PCDH11X: variants seen among roughly 807,000 people sequenced by gnomAD.
PCDH11X encodes the protein protocadherin-11 X-linked.
Under a neutral mutation model 53.3 loss-of-function variants are expected in PCDH11X, and 18 were observed. The ratio of observed to expected loss-of-function variants is 0.34; its 90% CI spans 0.23 to 0.50. The LOEUF is 0.50. Ranked by LOEUF, PCDH11X falls within the 20% of genes least tolerant of loss-of-function variation. The pLI is 0.98. For synonymous variants in PCDH11X, 279 were observed against 393.3 expected (o/e 0.71, Z 3.44); for missense variants, 570 against 1,032.4 (o/e 0.55, Z 6.14).
intron 8 of PCDH11X, among the ~76,000 whole-genome samples, chrX:92,278,788 C>T (rs1349953199): frequency 2.9e-5 from 3 of 102,011 alleles, no homozygotes; most frequent in Non-Finnish European, 5.8e-5. Context: ...GGCTCAGAGG[C>T]CTGACAGTCT....
At chrX:92,590,363 C>T (rs1924908489) in intron 10 of PCDH11X, among the ~76,000 whole-genome samples, 1 of 111,050 alleles carries the variant, frequency 9.0e-6, no homozygotes, top group Admixed American at 9.6e-5. Flanking sequence ...TTTGGGGGCT[C>T]ATCTGGGATC....
chrX:92,474,961 C>A (rs1321222536), intron 10 of PCDH11X, among the ~76,000 whole-genome samples: 1 of 105,287 alleles, frequency 9.5e-6, no homozygotes, highest in African/African-American at 3.5e-5. Flanking sequence ...GTCAGGAGAT[C>A]GAGACCATCC....
At chrX:92,282,291 A>AT (rs1021851033) in intron 8 of PCDH11X, among the ~76,000 whole-genome samples, 3 of 111,781 alleles carry the variant, frequency 2.7e-5, no homozygotes, top group South Asian at 7.4e-4. Flanking sequence ...TCATCTTAAA[A>AT]TTTTTTTCCT....
chrX:91,981,981 A>G (rs1335632768), intron 6 of PCDH11X, among the ~76,000 whole-genome samples: 1 of 108,163 alleles, frequency 9.2e-6, no homozygotes, highest in Non-Finnish European at 1.9e-5. Flanking sequence ...TCACCATGTG[A>G]TTACAATCAC....
chrX:91,851,904 C>T (rs1316927138), intron 5 of PCDH11X, among the ~76,000 whole-genome samples: 1 of 109,824 alleles, frequency 9.1e-6, no homozygotes, highest in Non-Finnish European at 1.9e-5. Context: ...TAATCTAAGT[C>T]AAAAGCTTTG....
At chrX:92,110,714 T>G (rs1340586447) in intron 6 of PCDH11X, among the ~76,000 whole-genome samples, 1 of 110,990 alleles carries the variant, frequency 9.0e-6, no homozygotes, top group Non-Finnish European at 1.9e-5. Flanking sequence ...GGCCAGGAAT[T>G]TCCTTGTGGG....
At chrX:92,567,776 T>C (rs1295187676) in intron 10 of PCDH11X, among the ~76,000 whole-genome samples, 1 of 103,507 alleles carries the variant, frequency 9.7e-6, no homozygotes, top group African/African-American at 3.5e-5. Flanking sequence ...TTCTCACTTA[T>C]ACATGGGAGC....
At chrX:92,106,795 A>T (rs2064393769) in intron 6 of PCDH11X, among the ~76,000 whole-genome samples, 2 of 111,908 alleles carry the variant, frequency 1.8e-5, no homozygotes, top group Admixed American at 9.5e-5. Flanking sequence ...TTCTAAGGCC[A>T]TCCAATCATC....
chrX:92,002,274 G>A (rs2062523621), intron 6 of PCDH11X, among the ~76,000 whole-genome samples: 1 of 108,390 alleles, frequency 9.2e-6, no homozygotes, highest in Non-Finnish European at 1.9e-5. Context: ...CTGTTTTCAT[G>A]CAAGTTCCAG....
chrX:91,854,826 A>G (rs1276331628), intron 5 of PCDH11X, among the ~76,000 whole-genome samples: 1 of 111,544 alleles, frequency 9.0e-6, no homozygotes, highest in Non-Finnish European at 1.9e-5. Context: ...TCTTTTGCCC[A>G]TTTTTTATTA....
chrX:92,115,808 T>C (rs924149551), intron 6 of PCDH11X, among the ~76,000 whole-genome samples: 4 of 109,097 alleles, frequency 3.7e-5, no homozygotes, highest in African/African-American at 1.3e-4. Flanking sequence ...TGGCAGGTGA[T>C]TGGATGATGC....
intron 6 of PCDH11X, among the ~76,000 whole-genome samples, chrX:91,922,097 T>C (rs1160699411): frequency 1.8e-5 from 2 of 111,291 alleles, no homozygotes; most frequent in Admixed American, 1.9e-4. Context: ...TGAGTCAAGA[T>C]CTGTTATTGC....
intron 6 of PCDH11X, among the ~76,000 whole-genome samples, chrX:92,187,409 G>C (rs1025786522): frequency 1.8e-5 from 2 of 111,499 alleles, no homozygotes; most frequent in African/African-American, 3.3e-5. Context: ...TCTTAATTTA[G>C]TCACATCTGC....
intron 6 of PCDH11X, among the ~76,000 whole-genome samples, chrX:92,109,499 G>A (rs1318114036): frequency 9.0e-6 from 1 of 111,354 alleles, no homozygotes; most frequent in African/African-American, 3.3e-5. Flanking sequence ...TCTGTTCCTG[G>A]GTGGGATCAC....
chrX:91,891,553 T>C (rs760285187), intron 6 of PCDH11X, among the ~76,000 whole-genome samples: 43 of 99,443 alleles, frequency 4.3e-4, no homozygotes, highest in Admixed American at 1.4e-3. Context: ...TAGTCATATT[T>C]ACTAAAGTTT....
intron 1 of PCDH11X, among the ~76,000 whole-genome samples, chrX:91,782,098 G>A (rs1311555616): frequency 9.0e-6 from 1 of 111,025 alleles, no homozygotes; most frequent in Non-Finnish European, 1.9e-5. Flanking sequence ...CCGCAAGCAC[G>A]AGCAGCCCTG....
intron 8 of PCDH11X, among the ~76,000 whole-genome samples, chrX:92,331,884 A>T (rs1462589869): frequency 9.0e-6 from 1 of 111,573 alleles, no homozygotes; most frequent in East Asian, 2.8e-4. Context: ...ATTTATTTGC[A>T]CTGTTACATC....
intron 10 of PCDH11X, among the ~76,000 whole-genome samples, chrX:92,615,552 G>A (rs956930035): frequency 9.0e-5 from 10 of 111,143 alleles, no homozygotes; most frequent in African/African-American, 2.6e-4. Context: ...CTGCTGTGGT[G>A]CTTTCTACAG....
At chrX:92,186,347 T>C (rs2066093710) in intron 6 of PCDH11X, among the ~76,000 whole-genome samples, 1 of 111,810 alleles carries the variant, frequency 8.9e-6, no homozygotes, top group East Asian at 2.8e-4. Flanking sequence ...ATAGTGGTTT[T>C]AGCTGGGCGT....
Sources: allele counts gnomAD v4.1 joint callset (sites outside exome capture counted in the v4.1 genomes callset), GRCh38; gene constraint gnomAD v4.1.1; transcripts MANE v1.5; gene names NCBI Gene and HGNC (gene_info 2026-07-23, HGNC 2026-07-21).